CHCHD3: variants seen among roughly 807,000 people sequenced by gnomAD.
CHCHD3 encodes the protein MICOS complex subunit MIC19.
CHCHD3 carries 20 observed loss-of-function variants against 38.2 expected under a neutral mutation model. The observed-to-expected ratio is 0.52, with a 90% CI of 0.37 to 0.76. The LOEUF is 0.76. Among genes scored for constraint, CHCHD3 ranks in the 30% least tolerant of loss-of-function variants. The probability of loss-of-function intolerance (pLI) is 0.00; values close to 1 mark genes in which losing one functional copy is unlikely to be tolerated. For synonymous variants in CHCHD3, 82 were observed against 100.0 expected (o/e 0.82, Z 1.07); for missense variants, 245 against 279.2 (o/e 0.88, Z 0.87).
At chr7:132,973,782 T>G (rs1466420620) in intron 4 of CHCHD3, 1 of 1,084,510 alleles carries the variant, frequency 9.2e-7, no homozygotes, top group Non-Finnish European at 1.1e-6. Flanking sequence ...AGACTAGAAA[T>G]GAGCCTTCTT....
At chr7:132,972,711 C>T in intron 4 of CHCHD3, 1 of 985,392 alleles carries the variant, frequency 1.0e-6, no homozygotes, top group Non-Finnish European at 1.2e-6. Flanking sequence ...AGCTGTCATC[C>T]TATGGCATAA....
At chr7:132,908,560 T>A (rs1416009673) in intron 4 of CHCHD3, among the ~76,000 whole-genome samples, 2 of 152,108 alleles carry the variant, frequency 1.3e-5, no homozygotes, top group African/African-American at 4.8e-5. Context: ...GGTCTAAAGG[T>A]TAAAACTCTA....
At chr7:133,007,029 A>T (rs1457431651) in intron 3 of CHCHD3, among the ~76,000 whole-genome samples, 1 of 152,138 alleles carries the variant, frequency 6.6e-6, no homozygotes, top group Non-Finnish European at 1.5e-5. Context: ...GAATAGTGAG[A>T]TTATAGATGA....
intron 4 of CHCHD3, among the ~76,000 whole-genome samples, chr7:132,965,832 G>A (rs2117315551): frequency 6.6e-6 from 1 of 152,328 alleles, no homozygotes; most frequent in African/African-American, 2.4e-5. Flanking sequence ...TACAGTCAGT[G>A]TTTGAAACAG....
At chr7:132,969,984 G>C (rs1007316160) in intron 4 of CHCHD3, among the ~76,000 whole-genome samples, 1 of 152,088 alleles carries the variant, frequency 6.6e-6, no homozygotes, top group South Asian at 2.1e-4. Flanking sequence ...CAGCATTAAC[G>C]TTAAAACAGA....
intron 5 of CHCHD3, among the ~76,000 whole-genome samples, chr7:132,881,781 G>A (rs1189108558): frequency 6.6e-6 from 1 of 152,142 alleles, no homozygotes; most frequent in Admixed American, 6.6e-5. Flanking sequence ...TAATACAAAA[G>A]TGTGTGCAGA....
chr7:132,821,747 CTTTTTTTTTTTT>C (rs71178063), intron 6 of CHCHD3, among the ~76,000 whole-genome samples: 10 of 100,270 alleles, frequency 1.0e-4, no homozygotes, highest in East Asian at 5.5e-4. Flanking sequence ...GCACTCAAAT[CTTTTTTTTTTTT>C]TTTTTTTTTT....
At chr7:132,993,842 T>C (rs1271909885) in intron 3 of CHCHD3, among the ~76,000 whole-genome samples, 1 of 152,206 alleles carries the variant, frequency 6.6e-6, no homozygotes, top group African/African-American at 2.4e-5. Context: ...ACTAGCCCAA[T>C]GGCTCACATC....
chr7:132,820,014 T>C (rs1807304185), intron 6 of CHCHD3, among the ~76,000 whole-genome samples: 1 of 152,250 alleles, frequency 6.6e-6, no homozygotes, highest in Non-Finnish European at 1.5e-5. Context: ...TCCCAACTTC[T>C]ATATTATGAT....
chr7:132,884,350 A>AT (rs1292982680), intron 5 of CHCHD3, among the ~76,000 whole-genome samples: 1 of 152,142 alleles, frequency 6.6e-6, no homozygotes, highest in Non-Finnish European at 1.5e-5. Flanking sequence ...TCCCGAAATT[A>AT]TCATAACCTG....
intron 6 of CHCHD3, among the ~76,000 whole-genome samples, chr7:132,816,728 G>T (rs972114138): frequency 6.6e-6 from 1 of 152,174 alleles, no homozygotes; most frequent in Non-Finnish European, 1.5e-5. Context: ...GGAACCAGAA[G>T]ACTTCCAGGC....
intron 4 of CHCHD3, among the ~76,000 whole-genome samples, chr7:132,890,715 C>T (rs1015790251): frequency 2.0e-5 from 3 of 152,074 alleles, no homozygotes; most frequent in African/African-American, 7.2e-5. Context: ...ACTATGAAGC[C>T]AGAGATTACT....
chr7:132,960,211 A>G (rs1811282281), intron 4 of CHCHD3, among the ~76,000 whole-genome samples: 1 of 152,022 alleles, frequency 6.6e-6, no homozygotes. Context: ...GTGTCACTCT[A>G]CGGGACCAGT....
At chr7:132,966,050 G>A (rs1371481934) in intron 4 of CHCHD3, among the ~76,000 whole-genome samples, 1 of 152,078 alleles carries the variant, frequency 6.6e-6, no homozygotes, top group African/African-American at 2.4e-5. Context: ...TGCTATCTGT[G>A]TAAATCATAT....
rs189039157 is a variant in CHCHD3 at position 132,789,458 on chromosome 7, C to T, written c.661-3798G>A. 7.2e-4 allele frequency among the ~76,000 whole-genome samples: 109 copies of T among 152,312 alleles called. 1 individual carries two copies. The highest frequency in any genetic ancestry group is 1.5e-3 in the Admixed American group (23 of 15,294). ...CCAGCCACTGAAGAACAACCGGCAG[C>T]TCACAAATAAGAACAGCGCCCCTGG... On this transcript the variant is annotated intron_variant, in intron 7 of 7. Coordinates refer to ENST00000262570, the MANE Select transcript of CHCHD3 (RefSeq NM_017812.4).
intron 4 of CHCHD3, among the ~76,000 whole-genome samples, chr7:132,969,708 T>C (rs1473859737): frequency 1.3e-5 from 2 of 152,228 alleles, no homozygotes; most frequent in Non-Finnish European, 2.9e-5. Flanking sequence ...ATTTGGGTAC[T>C]ACCTGTTCTC....
chr7:133,067,848 G>A (rs1814715082), intron 2 of CHCHD3, among the ~76,000 whole-genome samples: 1 of 152,226 alleles, frequency 6.6e-6, no homozygotes. Flanking sequence ...CGGGCACGGT[G>A]GCTCACGCCT....
chr7:132,898,969 G>C (rs1809592911), intron 4 of CHCHD3, among the ~76,000 whole-genome samples: 1 of 152,202 alleles, frequency 6.6e-6, no homozygotes, highest in African/African-American at 2.4e-5. Context: ...CACAGCCCCG[G>C]TTCCCGCTCG....
At chr7:133,058,253 T>C (rs1264533790) in intron 2 of CHCHD3, among the ~76,000 whole-genome samples, 1 of 151,756 alleles carries the variant, frequency 6.6e-6, no homozygotes, top group East Asian at 1.9e-4. Context: ...TTTTTTTTTT[T>C]CTTTGAGATG....
Sources: gnomAD v4.1 joint callset for allele counts (sites outside exome capture counted in the v4.1 genomes callset) on GRCh38, gnomAD v4.1.1 for gene constraint, MANE v1.5 for transcripts, NCBI Gene and HGNC (gene_info 2026-07-23, HGNC 2026-07-21) for gene names.